CNBD1: variants seen among roughly 807,000 people sequenced by gnomAD.
The protein encoded by CNBD1 is cyclic nucleotide binding domain containing 1.
Under a neutral mutation model 54.4 loss-of-function variants are expected in CNBD1, and 71 were observed. That is an observed-to-expected ratio of 1.30 (90% confidence interval 1.08 to 1.59). The LOEUF is 1.59. Ranked by LOEUF, CNBD1 falls within the 40% of genes most tolerant of loss-of-function variation. The pLI, the probability that CNBD1 is intolerant of heterozygous loss-of-function variation, is 0.00. For missense variants in CNBD1, 659 were observed against 518.0 expected (o/e 1.27, Z -2.64); for synonymous variants, 182 against 170.7 (o/e 1.07, Z -0.51).
intron 5 of CNBD1, among the ~76,000 whole-genome samples, chr8:87,208,552 A>G (rs1814026261): frequency 6.6e-6 from 1 of 152,046 alleles, no homozygotes; most frequent in African/African-American, 2.4e-5. Flanking sequence ...TCACATTTTT[A>G]TGGCCTGAAC....
At chr8:86,926,995 T>A (rs1809372827) in intron 3 of CNBD1, among the ~76,000 whole-genome samples, 1 of 152,108 alleles carries the variant, frequency 6.6e-6, no homozygotes, top group Non-Finnish European at 1.5e-5. Context: ...TGTTGGGACT[T>A]AGGAAGACTA....
At chr8:87,390,496 A>G (rs1253979853) in intron 2 of CNBD1, among the ~76,000 whole-genome samples, 1 of 152,236 alleles carries the variant, frequency 6.6e-6, no homozygotes, top group African/African-American at 2.4e-5. Context: ...AAAAATGCTC[A>G]TCATCACTGG....
intron 4 of CNBD1, among the ~76,000 whole-genome samples, chr8:87,198,478 T>C (rs1233417533): frequency 6.6e-6 from 1 of 152,100 alleles, no homozygotes; most frequent in Non-Finnish European, 1.5e-5. Context: ...ATCCCATATA[T>C]GGAAACAAAA....
chr8:87,162,018 C>T (rs542471471), intron 4 of CNBD1, among the ~76,000 whole-genome samples: 142 of 152,046 alleles, frequency 9.3e-4, no homozygotes, highest in African/African-American at 3.3e-3. Flanking sequence ...TTCAAACTTA[C>T]GTCTTGGTGT....
chr8:87,240,065 AACACACACACACAC>A lies in CNBD1; in HGVS notation c.771+2979_771+2992del, dbSNP rs10608912. Among the ~76,000 whole-genome samples the A allele has an allele frequency of 1.2e-4, 17 of 146,520 alleles. No homozygotes were observed. In the East Asian group the frequency reaches 1.6e-3, roughly 14 times the overall value. ...ATAAATATAGTATGGTCTGTGCCAAAACACACACACACACACACACACACACACACACACACACA... is the reference window on the plus strand; with the variant it reads ...ATAAATATAGTATGGTCTGTGCCAAAACACACACACACACACACACACACA... On this transcript the variant is annotated intron_variant, in intron 6 of 10. Transcript: ENST00000518476.
chr8:87,083,899 TTTC>T (rs946015042), intron 4 of CNBD1, among the ~76,000 whole-genome samples: 16 of 152,124 alleles, frequency 1.1e-4, no homozygotes, highest in African/African-American at 3.9e-4. Context: ...AACCAATGTA[TTTC>T]TTAAGTGTAT....
At chr8:87,413,240 C>G (rs2130986762) in intron 2 of CNBD1, among the ~76,000 whole-genome samples, 1 of 152,182 alleles carries the variant, frequency 6.6e-6, no homozygotes, top group Admixed American at 6.6e-5. Context: ...TTGTGTGACT[C>G]ATTTTCCAAG....
intron 4 of CNBD1, among the ~76,000 whole-genome samples, chr8:86,942,134 T>TA: frequency 6.6e-6 from 1 of 152,228 alleles, no homozygotes; most frequent in Non-Finnish European, 1.5e-5. Flanking sequence ...ATTTGTGATT[T>TA]AATCCTCACA....
intron 4 of CNBD1, among the ~76,000 whole-genome samples, chr8:87,202,495 T>C: frequency 6.6e-6 from 1 of 152,192 alleles, no homozygotes; most frequent in Admixed American, 6.5e-5. Flanking sequence ...AAGTCTTTAA[T>C]CACTTACTGT....
intron 4 of CNBD1, among the ~76,000 whole-genome samples, chr8:87,161,273 A>C (rs1812851867): frequency 6.6e-6 from 1 of 152,154 alleles, no homozygotes; most frequent in South Asian, 2.1e-4. Context: ...CCCTTTATGC[A>C]TATAATATGG....
intron 6 of CNBD1, among the ~76,000 whole-genome samples, chr8:87,240,859 T>C (rs1457331990): frequency 2.0e-5 from 3 of 152,122 alleles, no homozygotes; most frequent in African/African-American, 7.2e-5. Flanking sequence ...CCTTGATCCC[T>C]GGCTTCAGGC....
At chr8:87,231,686 A>G (rs532457574) in intron 5 of CNBD1, among the ~76,000 whole-genome samples, 1 of 152,296 alleles carries the variant, frequency 6.6e-6, no homozygotes, top group East Asian at 1.9e-4. Context: ...CATTTAATTG[A>G]CATATCATAG....
chr8:87,293,249 A>G (rs1808818029), intron 8 of CNBD1, among the ~76,000 whole-genome samples: 2 of 152,184 alleles, frequency 1.3e-5, no homozygotes, highest in Admixed American at 6.5e-5. Context: ...ACATTTTTAA[A>G]TCACTTAAAG....
rs1185313410 is a variant in CNBD1 at position 87,323,611 on chromosome 8, G to A, written c.1043-28074G>A. ...TGATTTGGCTCTCTGTTTGTCTGTT[G>A]CTGGTGTATAAGAATGCTTGTGATT... is the stretch of plus-strand genomic sequence containing the variant. On this transcript the variant is annotated intron_variant, in intron 8 of 10. Coordinates refer to ENST00000518476, the MANE Select transcript of CNBD1 (RefSeq NM_173538.3). 3.9e-5 allele frequency among the ~76,000 whole-genome samples: 5 copies of A among 128,714 alleles called. No individual in the cohort carries two copies. The South Asian group carries it at 1.2e-3, about 30-fold the overall frequency. The allele number at this position is 128,714 out of a possible 152,430, so 84.4% of individuals were successfully genotyped here. A position where few individuals can be genotyped will look rare whatever the true frequency, so the allele number is the denominator to read the frequency against.
chr8:86,919,897 T>C (rs1286711132), intron 3 of CNBD1, among the ~76,000 whole-genome samples: 1 of 152,102 alleles, frequency 6.6e-6, no homozygotes, highest in Non-Finnish European at 1.5e-5. Flanking sequence ...GAGTGTGGCC[T>C]GAGATTCTGT....
At chr8:87,383,869 A>G (rs1160197465), downstream of CNBD1, among the ~76,000 whole-genome samples, 1 of 152,158 alleles carries the variant, frequency 6.6e-6, no homozygotes, top group Non-Finnish European at 1.5e-5. Context: ...AATTTTGAAC[A>G]AGTTAAATCC....
At chr8:87,201,601 G>A (rs752093634) in intron 4 of CNBD1, among the ~76,000 whole-genome samples, 44 of 151,818 alleles carry the variant, frequency 2.9e-4, no homozygotes, top group African/African-American at 7.0e-4. Flanking sequence ...AATGAAATGC[G>A]GAAAACAAAA....
chr8:87,100,520 C>T (rs578231317), intron 4 of CNBD1, among the ~76,000 whole-genome samples: 3 of 152,220 alleles, frequency 2.0e-5, no homozygotes, highest in Admixed American at 6.5e-5. Flanking sequence ...ACTCCATTGC[C>T]GGGGCTGGAG....
chr8:86,932,227 C>T (rs1809469615), intron 3 of CNBD1, among the ~76,000 whole-genome samples: 1 of 152,130 alleles, frequency 6.6e-6, no homozygotes, highest in Non-Finnish European at 1.5e-5. Context: ...ACATCTATAT[C>T]CCTATCAGGA....
Sources: gnomAD v4.1 joint callset for allele counts (sites outside exome capture counted in the v4.1 genomes callset) on GRCh38, gnomAD v4.1.1 for gene constraint, MANE v1.5 for transcripts, NCBI Gene and HGNC (gene_info 2026-07-23, HGNC 2026-07-21) for gene names.